Variants in FGFR1 observed in about 807,000 individuals in gnomAD.
The protein encoded by FGFR1 is FGFR1/PLAG1 fusion.
Under a neutral mutation model 93.7 loss-of-function variants are expected in FGFR1, and 18 were observed. That is an observed-to-expected ratio of 0.19 (90% CI 0.13 to 0.28). The LOEUF is 0.28. Among genes scored for constraint, FGFR1 ranks in the 10% least tolerant of loss-of-function variants. The probability of loss-of-function intolerance (pLI) is 1.00; values close to 1 mark genes in which losing one functional copy is unlikely to be tolerated. For synonymous variants in FGFR1, 448 were observed against 429.3 expected (o/e 1.04, Z -0.54); for missense variants, 731 against 1,080.4 (o/e 0.68, Z 4.53).
Position 38,429,256 on chromosome 8 carries a change from T to C in FGFR1, c.358+426A>G, listed in dbSNP as rs765624439. On this transcript the variant is annotated intron_variant, in intron 3 of 17. Transcript: ENST00000447712. This position sits in a 1 kb window ranked among gnomAD's most constrained non-coding sequence, Gnocchi z 4.4. ...CTCCCTTGCGGTGCACCTGGGTTCC[T>C]CTCCAGCAGAGCAGGGATACCACCA... 37 of 490,438 alleles carry C rather than the reference T, an allele frequency of 7.5e-5. No homozygotes were observed. The highest frequency in any genetic ancestry group is 1.2e-4 in the Non-Finnish European group (29 of 247,860). The allele number at this position is 490,438 out of a possible 1,614,324, so 30.4% of individuals were successfully genotyped here. A position where few individuals can be genotyped will look rare whatever the true frequency, so the allele number is the denominator to read the frequency against.
At chr8:38,448,697 G>A (rs1830157294) in intron 2 of FGFR1, among the ~76,000 whole-genome samples, 1 of 152,112 alleles carries the variant, frequency 6.6e-6, no homozygotes, top group Non-Finnish European at 1.5e-5. Flanking sequence ...GCTCACGCCT[G>A]TAATCCCAGC....
In FGFR1 at chr8:38,411,663, C is replaced by T. The variant is rs886062907; in HGVS notation, c.*1965G>A. On this transcript the variant is annotated 3_prime_UTR_variant, in exon 18 of 18. Coordinates refer to ENST00000447712, the MANE Select transcript of FGFR1 (RefSeq NM_023110.3). The stretch of plus-strand genomic sequence containing the variant: ...CAGCAAAATATAAGCTTTAATATAG[C>T]GACTGAGGAGTGGTAGTTTGAGCCA... The T allele has an allele frequency of 2.2e-5, 5 of 229,748 alleles. No individual in the cohort carries two copies. In the Admixed American group the frequency reaches 2.3e-4, roughly 10 times the overall value. 14.2% of individuals were successfully genotyped at this position (229,748 alleles called of 1,614,324 possible). A position where few individuals can be genotyped will look rare whatever the true frequency, so the allele number is the denominator to read the frequency against.
intron 2 of FGFR1, among the ~76,000 whole-genome samples, chr8:38,444,051 C>CAAAAAA (rs746296068): frequency 2.8e-4 from 21 of 74,348 alleles, no homozygotes; most frequent in African/African-American, 1.0e-3. Context: ...GAAACTGTCT[C>CAAAAAA]AAAAAAAAAA....
intron 7 of FGFR1, chr8:38,422,781 CGT>C (rs748505419): frequency 8.3e-5 from 41 of 494,880 alleles, no homozygotes; most frequent in Non-Finnish European, 1.3e-4. Context: ...ACCGTGTCCC[CGT>C]GAGTCCTCAC....
rs2150670217 is a variant in FGFR1, at chr8:38,418,239, C to G, written c.1419G>C (p.Leu473=). The change falls in exon 10 of 18, where the codon CTG becomes CTC. Residue 473 remains leucine (L), a synonymous_variant. Coordinates refer to ENST00000447712, the MANE Select transcript of FGFR1 (RefSeq NM_023110.3). ...YELPEDPRWE[L]PRDRLVLGKP... ...CAAAGTATTATTACCTGTCCCGAGGCAGCTCCCAGCGAGGGTCTTCGGGAA... is the reference window on the plus strand; with the variant it reads ...CAAAGTATTATTACCTGTCCCGAGGGAGCTCCCAGCGAGGGTCTTCGGGAA... The G allele has an allele frequency of 6.2e-7, 1 of 1,614,212 alleles. No individual in the cohort carries two copies.
At chr8:38,421,499 C>G in intron 8 of FGFR1, 1 of 477,674 alleles carries the variant, frequency 2.1e-6, no homozygotes, top group Non-Finnish European at 3.9e-6. Context: ...AGGAGCCTGC[C>G]CTGGAGGAGT....
At chr8:38,441,636 CAAG>C (rs1422171324) in intron 2 of FGFR1, among the ~76,000 whole-genome samples, 1 of 152,196 alleles carries the variant, frequency 6.6e-6, no homozygotes, top group Non-Finnish European at 1.5e-5. Context: ...TTCACTCATC[CAAG>C]AAGAGCAAAG....
chr8:38,413,898 T>C lies in FGFR1; in HGVS notation c.2292+20A>G, dbSNP rs1563428543. ...CAGTGGGGACGGCCTGAGCTCTGGCTCTGGCACGGGCAGCCTTACCTGGTT... is the reference window on the plus strand; with the variant it reads ...CAGTGGGGACGGCCTGAGCTCTGGCCCTGGCACGGGCAGCCTTACCTGGTT... On this transcript the variant is annotated intron_variant, in intron 17 of 17. Transcript: ENST00000447712. This position sits in a 1 kb window ranked among gnomAD's most constrained non-coding sequence, Gnocchi z 4.2. 1 of 1,613,726 alleles carries C rather than the reference T, an allele frequency of 6.2e-7. No individual in the cohort carries two copies.
Position 38,427,917 on chromosome 8 carries a change from G to A in FGFR1, c.621+4C>T, listed in dbSNP as rs750639887. 24 of 1,614,046 alleles carry A rather than the reference G, an allele frequency of 1.5e-5. No individual in the cohort carries two copies. Among genetic ancestry groups the A allele is most frequent in the East Asian group, 2.2e-5 (1 of 44,896 alleles). ...CTCTAACTTTCGCATGCACACACAC[G>A]TACCTTGTAGCCTCCAATTCTGTGG... is the stretch of plus-strand genomic sequence containing the variant. On this transcript the variant is annotated splice_donor_region_variant and intron_variant, in intron 5 of 17. Transcript: ENST00000447712.
chr8:38,418,235 G>A lies in FGFR1; in HGVS notation c.1423C>T (p.Arg475Trp), dbSNP rs2150669975. 2 of 1,614,178 alleles carry A rather than the reference G, an allele frequency of 1.2e-6. No individual in the cohort carries two copies. The highest frequency in any genetic ancestry group is 1.7e-6 in the Non-Finnish European group (2 of 1,180,034). ...LPEDPRWELP[R>W]DRLVLGKPLG... ...GAGTCAAAGTATTATTACCTGTCCC[G>A]AGGCAGCTCCCAGCGAGGGTCTTCG... Residue 475 changes from arginine (R) to tryptophan (W), a missense_variant, in exon 10 of 18, where the codon CGG becomes TGG. By Grantham distance (101) the Arg-to-Trp change is moderately radical. Around this residue, in one of 10 missense-constraint regions of FGFR1, gnomAD observed 146 missense variants for 173.0 expected, o/e 0.84. Transcript: ENST00000447712.
At chr8:38,462,151 A>G (rs1028481612) in intron 1 of FGFR1, among the ~76,000 whole-genome samples, 1 of 152,224 alleles carries the variant, frequency 6.6e-6, no homozygotes, top group African/African-American at 2.4e-5. Context: ...TACATGTTCA[A>G]ATGATAATAT....
rs551789613 is a variant in FGFR1, at chr8:38,468,449, G to A, written c.-557C>T. 2.8e-4 allele frequency: 63 copies of A among 228,790 alleles called. No homozygotes were observed. The Admixed American group carries it at 2.8e-3, about 10-fold the overall frequency. 14.2% of individuals were successfully genotyped at this position (228,790 alleles called of 1,614,324 possible). ...TCAAGCAGCGGCGCGCTCGCGGCCG[G>A]GGAAGGCGAGGTCGCCGCAATGCGC... is the stretch of plus-strand genomic sequence containing the variant. On this transcript the variant is annotated 5_prime_UTR_variant, in exon 1 of 18. Transcript: ENST00000447712.
chr8:38,415,049 A>G, intron 13 of FGFR1, 148 bp from the exon 14 acceptor site: 1 of 654,058 alleles, frequency 1.5e-6, no homozygotes, highest in Non-Finnish European at 2.7e-6. Flanking sequence ...TCCCTCTTCT[A>G]ACATTCTCTG....
rs183394116 is a variant in FGFR1 at position 38,411,858 on chromosome 8, C to T, written c.*1770G>A. ...AAGAACTGTAAGAAGCCAAGATCTG[C>T]GACAGTCCCAACAAATACAGTCTGG... is the stretch of plus-strand genomic sequence containing the variant. On this transcript the variant is annotated 3_prime_UTR_variant, in exon 18 of 18. Transcript: ENST00000447712. The T allele has an allele frequency of 7.5e-4, 171 of 228,180 alleles. No individual in the cohort carries two copies. Among genetic ancestry groups the T allele is most frequent in the Admixed American group, 1.3e-3 (23 of 17,634 alleles). The allele number at this position is 228,180 out of a possible 1,614,324, so 14.1% of individuals were successfully genotyped here.
Position 38,421,812 on chromosome 8 carries a change from A to G in FGFR1, c.1066T>C (p.Leu356=). ...SIGLSHHSAW[L]TVLEALEERP... is the part of the protein sequence containing the mutation. ...CAGTGTGTACCTTCCAGAACGGTCA[A>G]CCATGCAGAGTGATGGGAGAGTCCG... Residue 356 remains leucine (L), a synonymous_variant, in exon 8 of 18, where the codon TTG becomes CTG. Coordinates refer to ENST00000447712, the MANE Select transcript of FGFR1 (RefSeq NM_023110.3). 1 of 1,614,132 alleles carries G rather than the reference A, an allele frequency of 6.2e-7. No individual in the cohort carries two copies. Among genetic ancestry groups the G allele is most frequent in the South Asian group, 1.1e-5 (1 of 91,088 alleles).
At chr8:38,456,848 T>G (rs745734684) in intron 2 of FGFR1, among the ~76,000 whole-genome samples, 1 of 152,134 alleles carries the variant, frequency 6.6e-6, no homozygotes, top group Non-Finnish European at 1.5e-5. Context: ...TGAGGTTACA[T>G]GTGTGACCCA....
In FGFR1 at chr8:38,424,593, C is replaced by T; in HGVS notation, c.852G>A (p.Gln284=). 6.2e-7 allele frequency: 1 copy of T among 1,614,270 alleles called. No homozygotes were observed. The change falls in exon 7 of 18, where the codon CAG becomes CAA. Residue 284 remains glutamine (Q), a synonymous_variant. Coordinates refer to ENST00000447712, the MANE Select transcript of FGFR1 (RefSeq NM_023110.3). This position sits in a 1 kb window ranked among gnomAD's most constrained non-coding sequence, Gnocchi z 4.3. ...TGTGCTTTAGCCACTGGATGTGCGG[C>T]TGCGGGTCACTGTACACCTTACACA... The part of the protein sequence containing the change: ...EFMCKVYSDP[Q]PHIQWLKHIE...
intron 2 of FGFR1, among the ~76,000 whole-genome samples, chr8:38,450,566 C>G (rs1463696150): frequency 6.6e-6 from 1 of 152,154 alleles, no homozygotes; most frequent in Non-Finnish European, 1.5e-5. Flanking sequence ...TGGCCAGGAG[C>G]AAACACCCCT....
At chr8:38,431,035 C>T (rs1290717473) in intron 2 of FGFR1, among the ~76,000 whole-genome samples, 1 of 152,160 alleles carries the variant, frequency 6.6e-6, no homozygotes, top group Non-Finnish European at 1.5e-5. Context: ...CATCTTCCAC[C>T]TCTCACCTAC....
Sources: gnomAD v4.1 joint callset for allele counts (sites outside exome capture counted in the v4.1 genomes callset) on GRCh38, gnomAD v4.1.1 for gene constraint, gnomAD v4.1.1 regional missense constraint, Gnocchi (gnomAD v3.1) non-coding constraint, MANE v1.5 for transcripts, NCBI Gene and HGNC (gene_info 2026-07-23, HGNC 2026-07-21) for gene names.